The following AFAP1 variants were observed in gnomAD, a reference collection of about 807,000 sequenced individuals.
AFAP1 encodes actin filament-associated protein 1.
AFAP1 carries 75 observed loss-of-function variants against 93.9 expected under a neutral mutation model. The observed-to-expected ratio is 0.80, with a 90% CI of 0.66 to 0.97. The LOEUF (loss-of-function observed/expected upper bound fraction) is 0.97, where lower values mean the gene tolerates loss of function less well. Among genes scored for constraint, AFAP1 ranks in the 50% least tolerant of loss-of-function variants. The pLI is 0.00. For missense variants in AFAP1, 1,201 were observed against 1,050.8 expected (o/e 1.14, Z -1.98); for synonymous variants, 517 against 430.7 (o/e 1.20, Z -2.48).
At chr4:7,928,448 C>G (rs146526156) in intron 1 of AFAP1, among the ~76,000 whole-genome samples, 2 of 152,116 alleles carry the variant, frequency 1.3e-5, no homozygotes, top group African/African-American at 2.4e-5. Flanking sequence ...AGTGCAGTGA[C>G]GCCATCTCGG....
chr4:7,844,735 A>G (rs1713488618), intron 4 of AFAP1, among the ~76,000 whole-genome samples: 2 of 152,238 alleles, frequency 1.3e-5, no homozygotes, highest in Non-Finnish European at 2.9e-5. Context: ...GCGTAGTAAA[A>G]GGTCTTCCTA....
chr4:7,858,902 A>G (rs572518471), intron 3 of AFAP1, among the ~76,000 whole-genome samples: 1 of 152,354 alleles, frequency 6.6e-6, no homozygotes, highest in Admixed American at 6.5e-5. Context: ...AATTCCATTG[A>G]GAGCTGACCC....
chr4:7,771,936 G>C (rs889626289), intron 16 of AFAP1, among the ~76,000 whole-genome samples: 1 of 152,162 alleles, frequency 6.6e-6, no homozygotes, highest in African/African-American at 2.4e-5. Flanking sequence ...TGCCCGGTAG[G>C]GGCCAGCAAG....
intron 6 of AFAP1, among the ~76,000 whole-genome samples, chr4:7,837,087 C>T (rs1047870888): frequency 1.3e-5 from 2 of 152,092 alleles, no homozygotes; most frequent in Non-Finnish European, 2.9e-5. Flanking sequence ...TGAAGATAAA[C>T]GTCAAGTAAA....
At chr4:7,821,409 G>A (rs1720961152) in intron 6 of AFAP1, among the ~76,000 whole-genome samples, 1 of 152,188 alleles carries the variant, frequency 6.6e-6, no homozygotes, top group African/African-American at 2.4e-5. Flanking sequence ...TCCAGATGCA[G>A]GGATGGTGAG....
chr4:7,876,474 T>G (rs1717512996), intron 1 of AFAP1, among the ~76,000 whole-genome samples: 1 of 152,220 alleles, frequency 6.6e-6, no homozygotes, highest in South Asian at 2.1e-4. Flanking sequence ...GATGGTCTCT[T>G]GAACTGAAAA....
chr4:7,773,261 C>T (rs1715690400), intron 15 of AFAP1: 1 of 491,518 alleles, frequency 2.0e-6, no homozygotes, highest in African/African-American at 2.0e-5. Flanking sequence ...TGACGAAGGC[C>T]AGGAGCTCCT....
chr4:7,809,535 C>T (rs1228457535), intron 9 of AFAP1, 79 bp downstream of exon 9: 2 of 1,493,508 alleles, frequency 1.3e-6, no homozygotes, highest in Non-Finnish European at 1.8e-6. Flanking sequence ...CTTGGATGAA[C>T]TGGGTACCGA....
At chr4:7,891,418 C>G (rs1265313156) in intron 1 of AFAP1, among the ~76,000 whole-genome samples, 1 of 152,026 alleles carries the variant, frequency 6.6e-6, no homozygotes, top group Non-Finnish European at 1.5e-5. Flanking sequence ...GTCAAGGTCA[C>G]GTAAAATTCA....
At chr4:7,779,414 T>C (rs1716509474) in intron 13 of AFAP1, among the ~76,000 whole-genome samples, 1 of 152,188 alleles carries the variant, frequency 6.6e-6, no homozygotes, top group South Asian at 2.1e-4. Context: ...GCAGCAACAC[T>C]ATGGAAACTG....
In AFAP1 at chr4:7,763,712, G is replaced by A; in HGVS notation, c.*53C>T. On this transcript the variant is annotated 3_prime_UTR_variant, in exon 18 of 18. Transcript: ENST00000420658. ...AGCTTCCTGCCGTCACACAGATGAG[G>A]ATACAGGCAAGGGGGTGTGCAGTCT... 6.5e-7 allele frequency: 1 copy of A among 1,549,974 alleles called. No homozygotes were observed. Among genetic ancestry groups the A allele is most frequent in the Non-Finnish European group, 8.7e-7 (1 of 1,145,508 alleles).
chr4:7,801,758 T>G (rs908138811), intron 9 of AFAP1, among the ~76,000 whole-genome samples: 1 of 151,672 alleles, frequency 6.6e-6, no homozygotes, highest in Non-Finnish European at 1.5e-5. Context: ...CTCAAAAATG[T>G]TAAGAAACAA....
Position 7,939,626 on chromosome 4 carries a change from G to C in AFAP1, c.-3+30C>G, listed in dbSNP as rs929373409. 2.4e-6 allele frequency: 1 copy of C among 414,914 alleles called. No individual in the cohort carries two copies. The highest frequency in any genetic ancestry group is 4.8e-6 in the Non-Finnish European group (1 of 209,848). 25.7% of individuals were successfully genotyped at this position (414,914 alleles called of 1,614,324 possible). A position where few individuals can be genotyped will look rare whatever the true frequency, so the allele number is the denominator to read the frequency against. ...GGGGCAGAGACCCCCGCCGGGTCCGGAGACCCTGCCGCCAGTCGCGCCGTC... is the reference window on the plus strand; with the variant it reads ...GGGGCAGAGACCCCCGCCGGGTCCGCAGACCCTGCCGCCAGTCGCGCCGTC... On this transcript the variant is annotated intron_variant, in intron 1 of 17. Transcript: ENST00000420658. The surrounding 1 kb of genome is among the most constrained non-coding windows in gnomAD (Gnocchi z 5.6).
chr4:7,933,483 G>A (rs1015529163), intron 1 of AFAP1, among the ~76,000 whole-genome samples: 2 of 152,148 alleles, frequency 1.3e-5, no homozygotes, highest in Admixed American at 1.3e-4. Flanking sequence ...TGAGGCAGGA[G>A]AATCACTTGA....
intron 14 of AFAP1, 78 bp downstream of exon 14, chr4:7,778,684 G>T: frequency 7.1e-7 from 1 of 1,405,858 alleles, no homozygotes; most frequent in Non-Finnish European, 1.0e-6. Context: ...GGCACTCACG[G>T]GTGGGCAGGC....
chr4:7,929,998 C>T (rs2385914), intron 1 of AFAP1, among the ~76,000 whole-genome samples: 54,990 of 152,126 alleles, frequency 0.36, 10,787 homozygotes, highest in African/African-American at 0.5. Flanking sequence ...GCACAGGCTT[C>T]GGAGTCAGAG....
intron 1 of AFAP1, among the ~76,000 whole-genome samples, chr4:7,891,894 T>G (rs1718494886): frequency 6.6e-6 from 1 of 151,036 alleles, no homozygotes; most frequent in Admixed American, 6.6e-5. Context: ...CTACTAAAAA[T>G]ACAAAATAAA....
At chr4:7,876,137 A>G (rs10005650) in intron 1 of AFAP1, among the ~76,000 whole-genome samples, 16,425 of 152,260 alleles carry the variant, frequency 0.11, 1,515 homozygotes, top group East Asian at 0.49. Flanking sequence ...AACTATCTGA[A>G]GAGAACCTAA....
At chr4:7,932,630 T>C (rs1207186254) in intron 1 of AFAP1, among the ~76,000 whole-genome samples, 2 of 152,150 alleles carry the variant, frequency 1.3e-5, no homozygotes, top group Non-Finnish European at 2.9e-5. Context: ...ATCAAAATAC[T>C]CCAAAACACA....
Sources: gnomAD v4.1 joint callset for allele counts (sites outside exome capture counted in the v4.1 genomes callset) on GRCh38, gnomAD v4.1.1 for gene constraint, Gnocchi (gnomAD v3.1) non-coding constraint, MANE v1.5 for transcripts, NCBI Gene and HGNC (gene_info 2026-07-23, HGNC 2026-07-21) for gene names.